Variants in STK11IP observed in about 807,000 individuals in gnomAD.
STK11IP encodes serine/threonine-protein kinase 11-interacting protein.
STK11IP carries 103 observed loss-of-function variants against 131.7 expected under a neutral mutation model. The observed-to-expected ratio is 0.78, with a 90% CI of 0.67 to 0.92. The LOEUF is 0.92. Ranked by LOEUF, STK11IP falls within the 40% of genes least tolerant of loss-of-function variation. The pLI, the probability that STK11IP is intolerant of heterozygous loss-of-function variation, is 0.00. For missense variants in STK11IP, 1,315 were observed against 1,385.7 expected (o/e 0.95, Z 0.81); for synonymous variants, 557 against 575.6 (o/e 0.97, Z 0.46).
intron 17 of STK11IP, among the ~76,000 whole-genome samples, chr2:219,610,656 C>T (rs1017507834): frequency 1.3e-5 from 2 of 152,322 alleles, no homozygotes; most frequent in South Asian, 4.1e-4. Flanking sequence ...ACCTTGGCCT[C>T]CCAAAGTGCT....
Position 219,598,184 on chromosome 2 carries a change from A to G in STK11IP, c.61+4A>G. The G allele has an allele frequency of 6.5e-7, 1 of 1,547,010 alleles. No individual in the cohort carries two copies. Among genetic ancestry groups the G allele is most frequent in the Non-Finnish European group, 8.7e-7 (1 of 1,144,700 alleles). On this transcript the variant is annotated splice_donor_region_variant and intron_variant, in intron 2 of 24. Transcript: ENST00000456909. ...GCGGGGTTGCTGCGGGAGTCCGGTG[A>G]GTGGACTTCCGGTTGGGCTGGGCCT...
chr2:219,598,645 TA>T (rs1171256988), intron 2 of STK11IP: 1 of 155,306 alleles, frequency 6.4e-6, no homozygotes, highest in Non-Finnish European at 1.4e-5. Flanking sequence ...TGATTGTACT[TA>T]ACATTTGTGG....
At chr2:219,612,642 T>G (rs144503514) in intron 19 of STK11IP, among the ~76,000 whole-genome samples, 1 of 152,238 alleles carries the variant, frequency 6.6e-6, no homozygotes, top group Admixed American at 6.5e-5. Flanking sequence ...CGCAAATGCA[T>G]GGAGGCCCGA....
chr2:219,609,149 T>C lies in STK11IP; in HGVS notation c.1862T>C (p.Ile621Thr). ...APILSLRFSYICPDRQLRRYL... is the reference protein window; with the variant it reads ...APILSLRFSYTCPDRQLRRYL... ...ATCCTCAGTCTGCGCTTCTCCTACA[T>C]CTGCCCTGACCGGCAGTTGCGTCGC... is the stretch of plus-strand genomic sequence containing the variant. Residue 621 changes from isoleucine to threonine, a missense_variant, in exon 16 of 25, where the codon ATC becomes ACC. Physicochemically the swap from Ile to Thr is moderately conservative, Grantham distance 89. Coordinates refer to ENST00000456909, the MANE Select transcript of STK11IP (RefSeq NM_052902.4). 1 of 1,610,724 alleles carries C rather than the reference T, an allele frequency of 6.2e-7. No homozygotes were observed. Among genetic ancestry groups the C allele is most frequent in the Non-Finnish European group, 8.5e-7 (1 of 1,178,666 alleles).
At chr2:219,611,469 G>T in intron 17 of STK11IP, 135 bp from the exon 18 acceptor site, 6 of 716,538 alleles carry the variant, frequency 8.4e-6, no homozygotes, top group South Asian at 3.3e-5. Context: ...GTGGCCTGGG[G>T]CGCGGTGGTT....
chr2:219,602,686 T>A lies in STK11IP; in HGVS notation c.547-19T>A. The A allele has an allele frequency of 6.2e-7, 1 of 1,613,518 alleles. No individual in the cohort carries two copies. Among genetic ancestry groups the A allele is most frequent in the South Asian group, 1.1e-5 (1 of 91,038 alleles). ...TTGTAGTGAACATCGATTCTCTGCCTCCTCCCCGTCTCTCTCAGCGCCTCT... is the reference window on the plus strand; with the variant it reads ...TTGTAGTGAACATCGATTCTCTGCCACCTCCCCGTCTCTCTCAGCGCCTCT... On this transcript the variant is annotated intron_variant, in intron 6 of 24. Coordinates refer to ENST00000456909, the MANE Select transcript of STK11IP (RefSeq NM_052902.4).
chr2:219,614,115 G>T lies in STK11IP; in HGVS notation c.2717-46G>T. ...ATTGAGAGGTGGTGAGTTTAGGCTG[G>T]AGGAGAGCAGAGCCTTCTAAAGTTC... On this transcript the variant is annotated intron_variant, in intron 21 of 24. Transcript: ENST00000456909. 3.1e-6 allele frequency: 5 copies of T among 1,605,090 alleles called. No individual in the cohort carries two copies. In the South Asian group the frequency reaches 5.5e-5, roughly 18 times the overall value.
Position 219,612,009 on chromosome 2 carries a change from A to T in STK11IP, c.2390A>T (p.Asp797Val), listed in dbSNP as rs1559186410. 4.4e-6 allele frequency: 7 copies of T among 1,605,634 alleles called. No individual in the cohort carries two copies. The highest frequency in any genetic ancestry group is 1.3e-5 in the African/African-American group (1 of 74,772). The change falls in exon 19 of 25, where the codon GAT becomes GTT. Residue 797 changes from aspartate to valine, a missense_variant. Physicochemically the swap from Asp to Val is radical, Grantham distance 152. Transcript: ENST00000456909. ...SVDHRLRLFLDVEVFSDAQEE... is the reference protein window; with the variant it reads ...SVDHRLRLFLVVEVFSDAQEE... Reference sequence around the variant, plus strand: ...GACCACCGACTCCGGCTCTTCCTGGATGTTGAGGTGTTCAGCGATGCCCAG... The same window carrying T: ...GACCACCGACTCCGGCTCTTCCTGGTTGTTGAGGTGTTCAGCGATGCCCAG...
chr2:219,601,555 G>T (rs747824495), intron 3 of STK11IP, 86 bp from the exon 4 acceptor site: 35 of 1,553,634 alleles, frequency 2.3e-5, no homozygotes, highest in Non-Finnish European at 2.9e-5. Context: ...GGTGTCAGAG[G>T]TACCAGTGGT....
At position 219,601,263 on chromosome 2, in the gene STK11IP, CCTGAGCCTG is replaced by C. The variant is rs1173309862; in HGVS notation, c.95_103del (p.Ser32_Leu34del). The C allele has an allele frequency of 3.1e-6, 5 of 1,613,822 alleles. No homozygotes were observed. The African/African-American group carries it at 6.7e-5, about 22-fold the overall frequency. Reference sequence around the variant, plus strand: ...ATGTGGTCCTGTCTGGCTGTAGCACCCTGAGCCTGCTGACTCCCACACTGCAACAGCTGA... The same window carrying C: ...ATGTGGTCCTGTCTGGCTGTAGCACCCTGACTCCCACACTGCAACAGCTGA... On this transcript the variant is annotated inframe_deletion, in exon 3 of 25. Coordinates refer to ENST00000456909, the MANE Select transcript of STK11IP (RefSeq NM_052902.4).
Position 219,613,160 on chromosome 2 carries a change from G to C in STK11IP, c.2472G>C (p.Glu824Asp). The C allele has an allele frequency of 1.2e-6, 2 of 1,609,706 alleles. No homozygotes were observed. Among genetic ancestry groups the C allele is most frequent in the Non-Finnish European group, 1.7e-6 (2 of 1,177,916 alleles). ...TGGCATTGGCAGGCCACACTGGGGA[G>C]TTCATGTGCCTTGTGGTTGTGTCTG... is the stretch of plus-strand genomic sequence containing the variant. Reference protein sequence around the residue: ...VPVALAGHTGEFMCLVVVSDR... With the variant: ...VPVALAGHTGDFMCLVVVSDR... The change falls in exon 20 of 25, where the codon GAG (glutamate) becomes GAC (aspartate). Residue 824 changes from glutamate (E) to aspartate (D), a missense_variant. Coordinates refer to ENST00000456909, the MANE Select transcript of STK11IP (RefSeq NM_052902.4).
At position 219,611,797 on chromosome 2, in the gene STK11IP, G is replaced by A. The variant is rs201228372; in HGVS notation, c.2298G>A (p.Pro766=). ...CCAAGAACAGCCCACCTCAGGCACC[G>A]AGCACCCGTGACCATGGTAGTTGGA... ...DRAKNSPPQA[P]STRDHGSWSL... is the part of the protein sequence containing the mutation. Residue 766 remains proline (P), a synonymous_variant, in exon 18 of 25, where the codon CCG becomes CCA. Coordinates refer to ENST00000456909, the MANE Select transcript of STK11IP (RefSeq NM_052902.4). 3.1e-6 allele frequency: 5 copies of A among 1,612,740 alleles called. No individual in the cohort carries two copies. The highest frequency in any genetic ancestry group is 1.3e-5 in the African/African-American group (1 of 74,922).
intron 7 of STK11IP, among the ~76,000 whole-genome samples, chr2:219,605,298 G>A (rs1291852790): frequency 6.6e-6 from 1 of 152,242 alleles, no homozygotes; most frequent in East Asian, 1.9e-4. Context: ...GAGACTGGGA[G>A]ACGGGGCCCT....
chr2:219,609,601 T>C, intron 17 of STK11IP, 61 bp downstream of exon 17: 1 of 1,544,590 alleles, frequency 6.5e-7, no homozygotes, highest in Non-Finnish European at 8.8e-7. Flanking sequence ...GGAAAGTGGC[T>C]CTGTGTAGGG....
intron 4 of STK11IP, 117 bp downstream of exon 4, chr2:219,601,832 C>T: frequency 1.6e-6 from 2 of 1,281,254 alleles, no homozygotes; most frequent in Non-Finnish European, 2.2e-6. Flanking sequence ...ACCCATTGCT[C>T]TGCAGTCATG....
chr2:219,603,043 T>G (rs899181062), intron 7 of STK11IP, among the ~76,000 whole-genome samples: 16 of 147,078 alleles, frequency 1.1e-4, no homozygotes, highest in African/African-American at 3.0e-4. Flanking sequence ...CTGGTTTTTT[T>G]TTTTTTTTTT....
intron 20 of STK11IP, 105 bp from the exon 21 acceptor site, chr2:219,613,647 C>A: frequency 7.6e-7 from 1 of 1,318,454 alleles, no homozygotes; most frequent in Non-Finnish European, 1.1e-6. Flanking sequence ...GGTGAGCGCA[C>A]GGGGGTGATG....
chr2:219,614,602 G>A (rs1420333409), intron 23 of STK11IP, 56 bp downstream of exon 23: 1 of 1,565,284 alleles, frequency 6.4e-7, no homozygotes, highest in Non-Finnish European at 8.8e-7. Flanking sequence ...CCTTGTCACA[G>A]GCACTGGCCC....
Position 219,609,350 on chromosome 2 carries a change from C to T in STK11IP, c.1927-13C>T. 3 of 1,612,912 alleles carry T rather than the reference C, an allele frequency of 1.9e-6. No individual in the cohort carries two copies. Among genetic ancestry groups the T allele is most frequent in the Non-Finnish European group, 2.5e-6 (3 of 1,179,330 alleles). ...CGCCTGCTCACAGCTGCCTCTGATC[C>T]ACCCTCTGTCAGGAGCTGCTTGCCG... On this transcript the variant is annotated splice_polypyrimidine_tract_variant and intron_variant, in intron 16 of 24. Transcript: ENST00000456909.
Sources: allele counts gnomAD v4.1 joint callset (sites outside exome capture counted in the v4.1 genomes callset), GRCh38; gene constraint gnomAD v4.1.1; transcripts MANE v1.5; gene names NCBI Gene and HGNC (gene_info 2026-07-23, HGNC 2026-07-21).